SMARCA2: variants seen among roughly 807,000 people sequenced by gnomAD.
SMARCA2 encodes SWI/SNF related BAF chromatin remodeling complex subunit ATPase 2.
A neutral mutation model predicts 199.8 loss-of-function variants in SMARCA2; 61 were observed. The observed-to-expected ratio is 0.31, with a 90% CI of 0.25 to 0.38. The LOEUF (loss-of-function observed/expected upper bound fraction) is 0.38. SMARCA2 is among the 10% of genes least tolerant of loss of function. The pLI is 1.00. For synonymous variants in SMARCA2, 935 were observed against 732.0 expected, an observed-to-expected ratio of 1.28 and a Z score of -4.48; for missense variants, 1,344 against 2,012.2, an observed-to-expected ratio of 0.67 and a Z score of 6.35.
intron 4 of SMARCA2, 23 bp from the exon 5 acceptor site, chr9:2,047,206 C>T (rs1819893468): frequency 1.1e-5 from 11 of 1,012,892 alleles, no homozygotes; most frequent in Non-Finnish European, 1.3e-5. Flanking sequence ...GCCCGAGCTG[C>T]CCATGTCGCT....
intron 25 of SMARCA2, 85 bp downstream of exon 25, chr9:2,116,134 A>T: frequency 2.0e-6 from 2 of 999,882 alleles, no homozygotes; most frequent in South Asian, 2.8e-5. Context: ...TGTTTAAAAA[A>T]CTTCCTGGGC....
chr9:2,087,845 C>T (rs1473647900), intron 18 of SMARCA2, among the ~76,000 whole-genome samples: 1 of 152,208 alleles, frequency 6.6e-6, no homozygotes, highest in Non-Finnish European at 1.5e-5. Flanking sequence ...GTAGTTAACT[C>T]ACTGGCTTGC....
intron 29 of SMARCA2, among the ~76,000 whole-genome samples, chr9:2,175,639 C>T (rs531288160): frequency 1.2e-4 from 18 of 152,232 alleles, no homozygotes; most frequent in African/African-American, 4.1e-4. Context: ...GGCATGTTTT[C>T]AATGAAGGTA....
chr9:2,088,442 A>G, intron 18 of SMARCA2, 58 bp from the exon 19 acceptor site: 1 of 1,532,200 alleles, frequency 6.5e-7, no homozygotes, highest in Non-Finnish European at 8.7e-7. Flanking sequence ...ATAAAGCTTT[A>G]TTGTATGAAA....
At chr9:2,134,037 A>G (rs1036394294) in intron 27 of SMARCA2, among the ~76,000 whole-genome samples, 1 of 152,232 alleles carries the variant, frequency 6.6e-6, no homozygotes, top group African/African-American at 2.4e-5. Flanking sequence ...AAGGTGTGTA[A>G]CATAGAATCT....
intron 9 of SMARCA2, among the ~76,000 whole-genome samples, chr9:2,069,476 G>A (rs937103603): frequency 2.0e-5 from 3 of 151,310 alleles, no homozygotes; most frequent in Admixed American, 6.6e-5. Context: ...GGAGAATGGC[G>A]TGAACACGGG....
At chr9:2,127,837 T>C (rs1823763552) in intron 27 of SMARCA2, among the ~76,000 whole-genome samples, 1 of 152,230 alleles carries the variant, frequency 6.6e-6, no homozygotes, top group Admixed American at 6.5e-5. Context: ...TATTTTGTAA[T>C]CATGGCATGC....
chr9:2,078,212 T>A (rs926322937), intron 14 of SMARCA2, among the ~76,000 whole-genome samples: 3 of 152,170 alleles, frequency 2.0e-5, no homozygotes, highest in Non-Finnish European at 4.4e-5. Context: ...TGGCTCACTC[T>A]TGTAATCCTA....
intron 27 of SMARCA2, among the ~76,000 whole-genome samples, chr9:2,130,186 T>G (rs1381897976): frequency 6.6e-6 from 1 of 152,200 alleles, no homozygotes; most frequent in Non-Finnish European, 1.5e-5. Flanking sequence ...TAGGTAGTAA[T>G]ATATTCAATC....
intron 2 of SMARCA2, among the ~76,000 whole-genome samples, chr9:2,030,541 C>CCT (rs1819016291): frequency 7.5e-6 from 1 of 133,464 alleles, no homozygotes; most frequent in African/African-American, 2.8e-5. Context: ...TTTCCTCTAG[C>CCT]TTTTTTTTTT....
chr9:2,038,193 T>C (rs1214663648), intron 3 of SMARCA2, among the ~76,000 whole-genome samples: 1 of 152,228 alleles, frequency 6.6e-6, no homozygotes, highest in Non-Finnish European at 1.5e-5. Flanking sequence ...CAGACCTTTG[T>C]TTAAATATTA....
At chr9:2,131,635 C>T (rs1823955241) in intron 27 of SMARCA2, among the ~76,000 whole-genome samples, 1 of 152,120 alleles carries the variant, frequency 6.6e-6, no homozygotes, top group Non-Finnish European at 1.5e-5. Flanking sequence ...TGTCTGCTGA[C>T]TACTAAAATA....
intron 27 of SMARCA2, among the ~76,000 whole-genome samples, chr9:2,136,776 G>A (rs1824214649): frequency 6.6e-6 from 1 of 152,092 alleles, no homozygotes; most frequent in African/African-American, 2.4e-5. Context: ...AGACACAGAT[G>A]GAAATTGATA....
chr9:2,065,141 C>T (rs890030674), intron 9 of SMARCA2, among the ~76,000 whole-genome samples: 2 of 152,092 alleles, frequency 1.3e-5, no homozygotes, highest in African/African-American at 2.4e-5. Flanking sequence ...GCCGAGACGG[C>T]GCCACTGCAC....
In SMARCA2 at chr9:2,039,403, G is replaced by A; in HGVS notation, c.356-63G>A. The A allele has an allele frequency of 3.4e-6, 5 of 1,481,916 alleles. No individual in the cohort carries two copies. The South Asian group carries it at 6.2e-5, about 18-fold the overall frequency. The allele number at this position is 1,481,916 out of a possible 1,614,324, so 91.8% of individuals were successfully genotyped here. On this transcript the variant is annotated intron_variant, in intron 3 of 33. Transcript: ENST00000349721. This position sits in a 1 kb window ranked among gnomAD's most constrained non-coding sequence, Gnocchi z 4.8. Reference sequence around the variant, plus strand: ...CTGTGGACAATTATTAGAGTATTCAGGGATATCTCTCTTTCAGGGTTGTCA... The same window carrying A: ...CTGTGGACAATTATTAGAGTATTCAAGGATATCTCTCTTTCAGGGTTGTCA...
chr9:2,125,368 G>A (rs745995312), intron 27 of SMARCA2, among the ~76,000 whole-genome samples: 2 of 152,064 alleles, frequency 1.3e-5, no homozygotes, highest in Non-Finnish European at 2.9e-5. Flanking sequence ...GATTCATTCT[G>A]TAATATGAAG....
At chr9:2,020,515 G>A (rs559289806) in intron 1 of SMARCA2, among the ~76,000 whole-genome samples, 1 of 152,108 alleles carries the variant, frequency 6.6e-6, no homozygotes, top group Non-Finnish European at 1.5e-5. Flanking sequence ...AGGGACTATA[G>A]GAGTCTAAAA....
At chr9:2,147,709 G>T (rs1479171296) in intron 27 of SMARCA2, among the ~76,000 whole-genome samples, 2 of 145,962 alleles carry the variant, frequency 1.4e-5, no homozygotes, top group African/African-American at 2.4e-5. Context: ...AGCGGGGCGT[G>T]GTGGGCGGGC....
At chr9:2,177,101 G>A (rs898870920) in intron 29 of SMARCA2, among the ~76,000 whole-genome samples, 3 of 152,132 alleles carry the variant, frequency 2.0e-5, no homozygotes, top group Non-Finnish European at 4.4e-5. Context: ...ATAAGTAGGG[G>A]CACTAATGTG....
Sources: gnomAD v4.1 joint callset for allele counts (sites outside exome capture counted in the v4.1 genomes callset) on GRCh38, gnomAD v4.1.1 for gene constraint, Gnocchi (gnomAD v3.1) non-coding constraint, MANE v1.5 for transcripts, NCBI Gene and HGNC (gene_info 2026-07-23, HGNC 2026-07-21) for gene names.